Variants in WWOX observed in about 807,000 individuals in gnomAD.
The protein encoded by WWOX is WW domain containing oxidoreductase, also known as WW domain-containing oxidoreductase.
WWOX carries 69 observed loss-of-function variants against 46.2 expected under a neutral mutation model. The ratio of observed to expected loss-of-function variants is 1.49; its 90% CI spans 1.23 to 1.82. The LOEUF is 1.82. Ranked by LOEUF, WWOX falls within the 40% of genes most tolerant of loss-of-function variation. The pLI is 0.00. For synonymous variants in WWOX, 359 were observed against 202.6 expected, an observed-to-expected ratio of 1.77 and a Z score of -6.56; for missense variants, 919 against 542.6, an observed-to-expected ratio of 1.69 and a Z score of -6.89.
At chr16:78,509,529 C>T (rs540051683) in intron 8 of WWOX, among the ~76,000 whole-genome samples, 2 of 152,204 alleles carry the variant, frequency 1.3e-5, no homozygotes, top group South Asian at 4.2e-4. Flanking sequence ...TGTGCTTTTG[C>T]GGTTATCTAC....
intron 5 of WWOX, among the ~76,000 whole-genome samples, chr16:78,305,612 G>A (rs974455742): frequency 7.9e-5 from 12 of 151,948 alleles, no homozygotes; most frequent in African/African-American, 2.2e-4. Context: ...GTCATCCATG[G>A]AGCTTGAACA....
At chr16:78,653,544 T>C (rs2047012756) in intron 8 of WWOX, among the ~76,000 whole-genome samples, 1 of 152,220 alleles carries the variant, frequency 6.6e-6, no homozygotes, top group African/African-American at 2.4e-5. Flanking sequence ...CTAAAAGAGA[T>C]ACACAGGAAG....
intron 5 of WWOX, among the ~76,000 whole-genome samples, chr16:78,249,449 G>C (rs886396261): frequency 6.6e-6 from 1 of 152,206 alleles, no homozygotes; most frequent in Admixed American, 6.5e-5. Flanking sequence ...TCTCCAATGA[G>C]TTTCTCCTTT....
intron 3 of WWOX, among the ~76,000 whole-genome samples, chr16:78,110,410 A>G (rs925782112): frequency 6.6e-6 from 1 of 151,726 alleles, no homozygotes; most frequent in African/African-American, 2.4e-5. Context: ...TTTCCATGTA[A>G]TATATTATGA....
intron 5 of WWOX, among the ~76,000 whole-genome samples, chr16:78,366,190 G>C (rs1016419820): frequency 2.0e-5 from 3 of 152,156 alleles, no homozygotes; most frequent in Non-Finnish European, 2.9e-5. Context: ...ATTTCAAAAA[G>C]CTTTCATGTT....
At chr16:78,644,871 T>C (rs1353995959) in intron 8 of WWOX, among the ~76,000 whole-genome samples, 1 of 152,186 alleles carries the variant, frequency 6.6e-6, no homozygotes, top group Non-Finnish European at 1.5e-5. Flanking sequence ...AGGATAGATG[T>C]AGAAAATCGG....
At chr16:78,481,389 C>T (rs1462023601) in intron 8 of WWOX, among the ~76,000 whole-genome samples, 2 of 151,900 alleles carry the variant, frequency 1.3e-5, no homozygotes, top group Non-Finnish European at 1.5e-5. Context: ...GATATCCTTT[C>T]AATAGAGGTG....
intron 5 of WWOX, among the ~76,000 whole-genome samples, chr16:78,170,247 A>G (rs2035111845): frequency 6.6e-6 from 1 of 152,184 alleles, no homozygotes; most frequent in African/African-American, 2.4e-5. Context: ...AATCAGATAC[A>G]TCTTATGACC....
chr16:79,197,948 C>G (rs577234828), intron 8 of WWOX, among the ~76,000 whole-genome samples: 4 of 152,272 alleles, frequency 2.6e-5, no homozygotes, highest in African/African-American at 4.8e-5. Flanking sequence ...GAACTGAAAT[C>G]TGGGGCAGTT....
chr16:78,561,524 G>A (rs531709936), intron 8 of WWOX, among the ~76,000 whole-genome samples: 6 of 152,012 alleles, frequency 3.9e-5, no homozygotes, highest in South Asian at 2.1e-4. Flanking sequence ...GAATGCATGC[G>A]TACACCATGG....
intron 8 of WWOX, among the ~76,000 whole-genome samples, chr16:79,147,034 TCA>T (rs1422718909): frequency 2.0e-5 from 3 of 152,350 alleles, no homozygotes; most frequent in African/African-American, 4.8e-5. Context: ...TTGTGCAATA[TCA>T]CAGTGTTGAC....
In WWOX at chr16:79,028,233, G is replaced by A. The variant is rs536555648; in HGVS notation, c.1057-183375G>A. Among the ~76,000 whole-genome samples, 179 of 151,928 alleles carry A rather than the reference G, an allele frequency of 1.2e-3. 5 individuals carry two copies. Among genetic ancestry groups the A allele is most frequent in the African/African-American group, 4.0e-3 (164 of 41,204 alleles). ...CAAAGTGCTGGGATTACAGGCGTGAGCCACCACGCCCGACTGCTTTATTTT... is the reference window on the plus strand; with the variant it reads ...CAAAGTGCTGGGATTACAGGCGTGAACCACCACGCCCGACTGCTTTATTTT... On this transcript the variant is annotated intron_variant, in intron 8 of 8. Coordinates refer to ENST00000566780, the MANE Select transcript of WWOX (RefSeq NM_016373.4).
intron 8 of WWOX, among the ~76,000 whole-genome samples, chr16:78,593,867 T>G (rs919851453): frequency 2.0e-5 from 3 of 152,144 alleles, no homozygotes; most frequent in Admixed American, 2.0e-4. Flanking sequence ...GGCCATACAT[T>G]TGTAAGCTGT....
At chr16:79,025,340 G>C (rs1250818164) in intron 8 of WWOX, among the ~76,000 whole-genome samples, 1 of 152,158 alleles carries the variant, frequency 6.6e-6, no homozygotes, top group African/African-American at 2.4e-5. Flanking sequence ...ATGTTCACTG[G>C]AACCTAGACA....
At position 79,135,337 on chromosome 16, in the gene WWOX, T is replaced by G. The variant is rs74035002; in HGVS notation, c.1057-76271T>G. The stretch of plus-strand genomic sequence containing the variant: ...TCTATACCTTTCCTTTTCCCATAAT[T>G]TTATGGATTACATTTATTTTCATTT... On this transcript the variant is annotated intron_variant, in intron 8 of 8. Coordinates refer to ENST00000566780, the MANE Select transcript of WWOX (RefSeq NM_016373.4). Among the ~76,000 whole-genome samples, 1,357 of 152,304 alleles carry G rather than the reference T, an allele frequency of 8.9e-3. 17 individuals carry two copies. Among genetic ancestry groups the G allele is most frequent in the African/African-American group, 0.031 (1,295 of 41,576 alleles).
At chr16:78,840,561 G>T (rs7499264) in intron 8 of WWOX, among the ~76,000 whole-genome samples, 2 of 152,274 alleles carry the variant, frequency 1.3e-5, no homozygotes, top group South Asian at 4.2e-4. Flanking sequence ...AAGCAGTATT[G>T]TTACACAGTT....
intron 5 of WWOX, among the ~76,000 whole-genome samples, chr16:78,383,437 A>T (rs1476677785): frequency 6.6e-6 from 1 of 152,130 alleles, no homozygotes; most frequent in Non-Finnish European, 1.5e-5. Context: ...CAATAAAGTG[A>T]ATTATGGTCA....
chr16:79,106,379 C>G (rs749967925), intron 8 of WWOX, among the ~76,000 whole-genome samples: 1 of 152,110 alleles, frequency 6.6e-6, no homozygotes, highest in Non-Finnish European at 1.5e-5. Flanking sequence ...TCACACTCAC[C>G]TACTTCTCAT....
In WWOX at chr16:78,100,237, G is replaced by A. The variant is rs192695734; in HGVS notation, c.107+352G>A. 280 of 1,134,656 alleles carry A rather than the reference G, an allele frequency of 2.5e-4. 1 individual carries two copies. The highest frequency in any genetic ancestry group is 2.0e-5 in the Non-Finnish European group (18 of 914,484). 70.3% of individuals were successfully genotyped at this position (1,134,656 alleles called of 1,614,324 possible). On this transcript the variant is annotated intron_variant, in intron 1 of 8. Coordinates refer to ENST00000566780, the MANE Select transcript of WWOX (RefSeq NM_016373.4). The stretch of plus-strand genomic sequence containing the variant: ...CCTCCTGCAGGCTCTGGGTTGCAGG[G>A]ATAGGAGTTTTGTTGTGTTTTGTTT...
Sources: gnomAD v4.1 joint callset for allele counts (sites outside exome capture counted in the v4.1 genomes callset) on GRCh38, gnomAD v4.1.1 for gene constraint, MANE v1.5 for transcripts, NCBI Gene and HGNC (gene_info 2026-07-23, HGNC 2026-07-21) for gene names.